The following GRK5 variants were observed in gnomAD, a reference collection of about 807,000 sequenced individuals.
GRK5 encodes g protein-coupled receptor kinase GRK5.
Under a neutral mutation model 78.4 loss-of-function variants are expected in GRK5, and 40 were observed. That is an observed-to-expected ratio of 0.51 (90% CI 0.40 to 0.66). The LOEUF (loss-of-function observed/expected upper bound fraction) is 0.66. Among genes scored for constraint, GRK5 ranks in the 30% least tolerant of loss-of-function variants. The pLI, the probability that GRK5 is intolerant of heterozygous loss-of-function variation, is 0.00. For missense variants in GRK5, 598 were observed against 759.9 expected, an observed-to-expected ratio of 0.79 and a Z score of 2.50; for synonymous variants, 289 against 296.8, an observed-to-expected ratio of 0.97 and a Z score of 0.27.
intron 1 of GRK5, among the ~76,000 whole-genome samples, chr10:119,261,892 AGAGAGGGAGAGGGAGACCATGGG>A (rs1196109533): frequency 2.6e-5 from 4 of 151,984 alleles, no homozygotes; most frequent in South Asian, 2.1e-4. Flanking sequence ...GACTGTGGAA[AGAGAGGGAGAGGGAGACCATGGG>A]GAGAGGGAGA....
At chr10:119,404,252 T>G (rs1004632780) in intron 4 of GRK5, among the ~76,000 whole-genome samples, 7 of 152,238 alleles carry the variant, frequency 4.6e-5, no homozygotes, top group Admixed American at 1.3e-4. Flanking sequence ...TGATTCATAC[T>G]TCCCTAATAA....
intron 1 of GRK5, among the ~76,000 whole-genome samples, chr10:119,311,589 TC>T (rs1263545955): frequency 5.9e-5 from 9 of 152,012 alleles, no homozygotes; most frequent in Admixed American, 5.9e-4. Flanking sequence ...GAGTTTGAGA[TC>T]AGCCTGGCAA....
intron 1 of GRK5, among the ~76,000 whole-genome samples, chr10:119,299,794 ATGTGTGTGTG>A (rs3981127): frequency 3.8e-4 from 47 of 124,322 alleles, no homozygotes; most frequent in Middle Eastern, 7.9e-3. Context: ...ATTTAAGCAG[ATGTGTGTGTG>A]TGTGTGTGTG....
chr10:119,393,380 C>T (rs549560909), intron 3 of GRK5, among the ~76,000 whole-genome samples: 3 of 152,342 alleles, frequency 2.0e-5, no homozygotes, highest in South Asian at 2.1e-4. Flanking sequence ...ATTTTTTTAA[C>T]GTGGGTTTTA....
chr10:119,213,649 G>T lies in GRK5; in HGVS notation c.52+5680G>T, dbSNP rs546021037. Among the ~76,000 whole-genome samples the T allele has an allele frequency of 2.6e-5, 4 of 152,200 alleles. No individual in the cohort carries two copies. In the East Asian group the frequency reaches 7.7e-4, roughly 29 times the overall value. On this transcript the variant is annotated intron_variant, in intron 1 of 15. Coordinates refer to ENST00000392870, the MANE Select transcript of GRK5 (RefSeq NM_005308.3). Reference sequence around the variant, plus strand: ...TAAATATTGAAAAGATGTATTTTGGGGGGGCAGAGATAATGTCATTCCTTT... The same window carrying T: ...TAAATATTGAAAAGATGTATTTTGGTGGGGCAGAGATAATGTCATTCCTTT...
rs367596369 is a variant in GRK5 at position 119,336,080 on chromosome 10, G to A, written c.148+9469G>A. The A allele has an allele frequency of 9.8e-5, 15 of 152,446 alleles. No homozygotes were observed. Among genetic ancestry groups the A allele is most frequent in the South Asian group, 6.2e-4 (3 of 4,828 alleles). 9.4% of individuals were successfully genotyped at this position (152,446 alleles called of 1,614,324 possible). ...TGGAGTTTCCCAGAGAAGCTGAATC[G>A]GCTACACATGATGGATGAGGCCAGC... On this transcript the variant is annotated intron_variant, in intron 2 of 15. Transcript: ENST00000392870. The surrounding 1 kb of genome is among the most constrained non-coding windows in gnomAD (Gnocchi z 4.5).
rs961546492 is a variant in GRK5, at chr10:119,207,891, G to A, written c.-27G>A. On this transcript the variant is annotated 5_prime_UTR_variant, in exon 1 of 16. Transcript: ENST00000392870. ...CCAGGCGCTGACAGCCCCGCCGGCC[G>A]GCTCCGTTGCTGACCGCCGACTGTC... 6.3e-6 allele frequency: 10 copies of A among 1,586,952 alleles called. No homozygotes were observed. The highest frequency in any genetic ancestry group is 2.8e-5 in the African/African-American group (2 of 72,224).
At chr10:119,342,974 T>C (rs1028172234) in intron 2 of GRK5, among the ~76,000 whole-genome samples, 4 of 152,168 alleles carry the variant, frequency 2.6e-5, no homozygotes, top group Non-Finnish European at 5.9e-5. Flanking sequence ...TGTGGGGTGA[T>C]AGCCAATCCC....
chr10:119,247,230 A>C (rs189736901), intron 1 of GRK5, among the ~76,000 whole-genome samples: 1 of 152,356 alleles, frequency 6.6e-6, no homozygotes, highest in Non-Finnish European at 1.5e-5. Flanking sequence ...AAAATGGTAA[A>C]CCTGACTTGG....
chr10:119,299,557 T>C (rs1162470525), intron 1 of GRK5, among the ~76,000 whole-genome samples: 2 of 152,196 alleles, frequency 1.3e-5, no homozygotes, highest in Non-Finnish European at 2.9e-5. Context: ...TAGAAACCTG[T>C]TGTGCCTCAC....
chr10:119,330,230 TA>T (rs1432754740), intron 2 of GRK5: 1 of 152,080 alleles, frequency 6.6e-6, no homozygotes, highest in Non-Finnish European at 1.5e-5. Flanking sequence ...CTAGGTGGCT[TA>T]AACAACAGAC....
intron 1 of GRK5, among the ~76,000 whole-genome samples, chr10:119,218,980 C>G (rs1170602470): frequency 1.3e-5 from 2 of 148,442 alleles, no homozygotes; most frequent in African/African-American, 2.6e-5. Context: ...TCACCGCAAC[C>G]TCCGCTTCCC....
At chr10:119,416,133 T>C (rs1012186082) in intron 4 of GRK5, among the ~76,000 whole-genome samples, 5 of 152,214 alleles carry the variant, frequency 3.3e-5, no homozygotes, top group Non-Finnish European at 5.9e-5. Flanking sequence ...CAAGTACAAC[T>C]GATTCCATCT....
At chr10:119,227,596 C>T (rs1305237757) in intron 1 of GRK5, among the ~76,000 whole-genome samples, 5 of 151,984 alleles carry the variant, frequency 3.3e-5, no homozygotes, top group Non-Finnish European at 7.4e-5. Context: ...CAGCAACAAA[C>T]AAACAAACAT....
At chr10:119,249,781 G>C (rs780242922) in intron 1 of GRK5, among the ~76,000 whole-genome samples, 87 of 152,338 alleles carry the variant, frequency 5.7e-4, no homozygotes, top group Middle Eastern at 3.4e-3. Flanking sequence ...GATTATAGGC[G>C]TGAGCCACTG....
intron 5 of GRK5, among the ~76,000 whole-genome samples, chr10:119,424,649 C>T (rs1199335967): frequency 6.6e-6 from 1 of 151,928 alleles, no homozygotes; most frequent in Middle Eastern, 3.2e-3. Context: ...TCTACCCTTC[C>T]AGTCCCCCCA....
chr10:119,438,219 G>A (rs910142335), intron 9 of GRK5, among the ~76,000 whole-genome samples: 1 of 152,216 alleles, frequency 6.6e-6, no homozygotes, highest in Non-Finnish European at 1.5e-5. Context: ...CTCGGGAGGG[G>A]AGGAGGCTGC....
At chr10:119,371,589 G>A (rs1851548757) in intron 2 of GRK5, among the ~76,000 whole-genome samples, 1 of 152,212 alleles carries the variant, frequency 6.6e-6, no homozygotes. Flanking sequence ...TTCCGAGAAG[G>A]AGCCTTGAAG....
chr10:119,358,850 G>A (rs1851310258), intron 2 of GRK5, among the ~76,000 whole-genome samples: 2 of 152,160 alleles, frequency 1.3e-5, no homozygotes, highest in African/African-American at 4.8e-5. Flanking sequence ...GCTGGCTTCT[G>A]CCCTTGCTGG....
Sources: allele counts gnomAD v4.1 joint callset (sites outside exome capture counted in the v4.1 genomes callset), GRCh38; gene constraint gnomAD v4.1.1; non-coding constraint Gnocchi (gnomAD v3.1); transcripts MANE v1.5; gene names NCBI Gene and HGNC (gene_info 2026-07-23, HGNC 2026-07-21).